ALG5: variants seen among roughly 807,000 people sequenced by gnomAD.
The protein encoded by ALG5 is ALG5 dolichyl-phosphate beta-glucosyltransferase.
In ALG5, 26 loss-of-function variants were observed where a neutral mutation model predicts 51.8. That is an observed-to-expected ratio of 0.50 (90% confidence interval 0.37 to 0.70). The LOEUF (loss-of-function observed/expected upper bound fraction) is 0.70. Ranked by LOEUF, ALG5 falls within the 30% of genes least tolerant of loss-of-function variation. The pLI, the probability that ALG5 is intolerant of heterozygous loss-of-function variation, is 0.00. For missense variants in ALG5, 311 were observed against 399.3 expected (o/e 0.78, Z 1.88); for synonymous variants, 141 against 136.1 (o/e 1.04, Z -0.25).
chr13:36,968,395 AC>A (rs1471767979), intron 7 of ALG5, among the ~76,000 whole-genome samples: 11 of 152,248 alleles, frequency 7.2e-5, no homozygotes, highest in Admixed American at 3.3e-4. Context: ...AAGTCCCAGG[AC>A]TTAAGCAAAG....
At chr13:36,989,418 G>C (rs2059015995) in intron 5 of ALG5, 66 bp downstream of exon 5, 1 of 1,223,694 alleles carries the variant, frequency 8.2e-7, no homozygotes, top group Non-Finnish European at 1.2e-6. Flanking sequence ...AAACATACAA[G>C]TCTGCAAAAG....
intron 7 of ALG5, among the ~76,000 whole-genome samples, chr13:36,970,510 G>T (rs2058917430): frequency 6.6e-6 from 1 of 152,204 alleles, no homozygotes; most frequent in Non-Finnish European, 1.5e-5. Context: ...TGAGGCAGGA[G>T]AATCGCTTGA....
In ALG5 at chr13:36,989,475, A is replaced by G. The variant is rs1239406304; in HGVS notation, c.447+9T>C. The G allele has an allele frequency of 1.9e-6, 3 of 1,599,186 alleles. No homozygotes were observed. Among genetic ancestry groups the G allele is most frequent in the Non-Finnish European group, 1.7e-6 (2 of 1,168,178 alleles). ...TATTTTAGATAAAAATGTTGAAAATATGTATTACCATTCTAATCGCTCCAC... is the reference window on the plus strand; with the variant it reads ...TATTTTAGATAAAAATGTTGAAAATGTGTATTACCATTCTAATCGCTCCAC... On this transcript the variant is annotated intron_variant, in intron 5 of 9. Transcript: ENST00000239891.
chr13:36,952,478 G>T, intron 9 of ALG5, 36 bp downstream of exon 9: 1 of 1,448,766 alleles, frequency 6.9e-7, no homozygotes, highest in South Asian at 1.2e-5. Flanking sequence ...TGTATTATCT[G>T]ACTCAAGACA....
chr13:36,951,876 TCG>T (rs767221625), intron 9 of ALG5, among the ~76,000 whole-genome samples: 3 of 152,178 alleles, frequency 2.0e-5, no homozygotes, highest in Non-Finnish European at 2.9e-5. Flanking sequence ...CCTTTGCCTC[TCG>T]GGTTCAAGCA....
chr13:36,997,303 T>A (rs1054430741), intron 1 of ALG5, among the ~76,000 whole-genome samples: 1 of 151,286 alleles, frequency 6.6e-6, no homozygotes, highest in Non-Finnish European at 1.5e-5. Context: ...CGAAACCCCA[T>A]CTCTATTAAA....
intron 6 of ALG5, among the ~76,000 whole-genome samples, chr13:36,974,549 T>C (rs2058941036): frequency 6.6e-6 from 1 of 152,170 alleles, no homozygotes; most frequent in South Asian, 2.1e-4. Context: ...ATGTTCTTTT[T>C]CAACAAAAAT....
intron 3 of ALG5, among the ~76,000 whole-genome samples, chr13:36,994,505 T>A (rs571104751): frequency 6.6e-6 from 1 of 152,040 alleles, no homozygotes; most frequent in Non-Finnish European, 1.5e-5. Flanking sequence ...TCAATGTAAG[T>A]GTGTCTTTTA....
chr13:36,972,100 C>A, intron 6 of ALG5, 64 bp from the exon 7 acceptor site: 2 of 1,207,464 alleles, frequency 1.7e-6, no homozygotes, highest in South Asian at 1.4e-5. Context: ...TATTTATTTT[C>A]AATGAGAATA....
At position 36,999,271 on chromosome 13, in the gene ALG5, C is replaced by A. The variant is rs574584993; in HGVS notation, c.30G>T (p.Val10=). 1.1e-3 allele frequency: 1,704 copies of A among 1,580,724 alleles called. 1 individual carries two copies. The highest frequency in any genetic ancestry group is 1.2e-3 in the Non-Finnish European group (1,443 of 1,166,382). The part of the protein sequence containing the change: MAPLLLQLA[V]LGAALAAAAL... ...CTGCGGCCGCCAGCGCCGCGCCGAG[C>A]ACCGCCAGCTGCAACAGAAGCGGAG... The change falls in exon 1 of 10, where the codon GTG becomes GTT. Residue 10 remains valine, a synonymous_variant. Transcript: ENST00000239891.
chr13:36,981,594 T>C (rs906141842), intron 6 of ALG5, among the ~76,000 whole-genome samples: 2 of 152,154 alleles, frequency 1.3e-5, no homozygotes. Context: ...CACAATTCCA[T>C]TCCTGAAAAC....
intron 4 of ALG5, among the ~76,000 whole-genome samples, chr13:36,991,992 A>C (rs1225421742): frequency 6.6e-6 from 1 of 152,210 alleles, no homozygotes; most frequent in East Asian, 1.9e-4. Flanking sequence ...TAATATTTGC[A>C]GCTGTGGCCA....
intron 6 of ALG5, among the ~76,000 whole-genome samples, chr13:36,975,245 A>G (rs935977069): frequency 6.6e-6 from 1 of 152,134 alleles, no homozygotes; most frequent in African/African-American, 2.4e-5. Flanking sequence ...AAAAATCCAT[A>G]CAAATCAGTT....
intron 3 of ALG5, 31 bp downstream of exon 3, chr13:36,994,958 A>C: frequency 6.3e-7 from 1 of 1,596,372 alleles, no homozygotes. Context: ...TTTTAATTGG[A>C]GATATCATAT....
chr13:36,965,534 G>A, intron 8 of ALG5, 41 bp downstream of exon 8: 1 of 1,566,932 alleles, frequency 6.4e-7, no homozygotes, highest in Non-Finnish European at 8.7e-7. Flanking sequence ...AAGATGGCTG[G>A]GTCATAAGAC....
rs200705904 is a variant in ALG5 at position 36,995,569 on chromosome 13, T to A, written c.94A>T (p.Thr32Ser). The A allele has an allele frequency of 8.1e-6, 13 of 1,604,280 alleles. No individual in the cohort carries two copies. The East Asian group carries it at 2.7e-4, about 33-fold the overall frequency. The change falls in exon 2 of 10, where the codon ACA becomes TCA. Residue 32 changes from threonine (T) to serine (S), a missense_variant. Transcript: ENST00000239891. Reference protein sequence around the residue: ...LISIVAFTTATKMPALHRHEE... With the variant: ...LISIVAFTTASKMPALHRHEE... ...TGTCGATGGAGTGCTGGCATTTTTG[T>A]AGCAGTTGTAAATGCAACGATGGAA...
intron 6 of ALG5, among the ~76,000 whole-genome samples, chr13:36,976,236 C>G (rs1408172691): frequency 6.6e-6 from 1 of 151,054 alleles, no homozygotes; most frequent in Non-Finnish European, 1.5e-5. Context: ...CAAGACCCGT[C>G]TGGCCAACAT....
chr13:36,972,181 G>C, intron 6 of ALG5, 145 bp from the exon 7 acceptor site: 1 of 718,438 alleles, frequency 1.4e-6, no homozygotes, highest in Non-Finnish European at 2.2e-6. Flanking sequence ...GAAAAGTTCA[G>C]AATATGTACA....
At chr13:36,972,730 C>A (rs1044847574) in intron 6 of ALG5, among the ~76,000 whole-genome samples, 17 of 152,236 alleles carry the variant, frequency 1.1e-4, no homozygotes, top group African/African-American at 3.1e-4. Flanking sequence ...TGGTGGCTCA[C>A]GCCTGTAATC....
Sources: gnomAD v4.1 joint callset for allele counts (sites outside exome capture counted in the v4.1 genomes callset) on GRCh38, gnomAD v4.1.1 for gene constraint, MANE v1.5 for transcripts, NCBI Gene and HGNC (gene_info 2026-07-23, HGNC 2026-07-21) for gene names.